The following FABP7 variants were observed in gnomAD, a reference collection of about 807,000 sequenced individuals.
FABP7 encodes the protein fatty acid-binding protein, brain.
A neutral mutation model predicts 14.2 loss-of-function variants in FABP7; 13 were observed. The observed-to-expected ratio is 0.91, with a 90% confidence interval of 0.59 to 1.45. The LOEUF is 1.45. FABP7 is among the 40% of genes most tolerant of loss of function. The probability of loss-of-function intolerance (pLI) is 0.00; values close to 1 mark genes in which losing one functional copy is unlikely to be tolerated. For missense variants in FABP7, 149 were observed against 157.6 expected (o/e 0.95, Z 0.29); for synonymous variants, 49 against 51.4 (o/e 0.95, Z 0.20).
the FABP7 span, among the ~76,000 whole-genome samples, chr6:122,769,926 T>A: frequency 6.6e-6 from 1 of 152,116 alleles, no homozygotes; most frequent in Non-Finnish European, 1.5e-5. Context: ...AAACAAAGGC[T>A]TATAATACTG....
the FABP7 span, among the ~76,000 whole-genome samples, chr6:122,754,084 G>T: frequency 1.2e-3 from 190 of 152,192 alleles, 6 homozygotes; most frequent in South Asian, 0.023. Context: ...AACAGCCTTA[G>T]GTTCCCTGCC....
chr6:122,760,291 T>G, the FABP7 span, among the ~76,000 whole-genome samples: 1 of 152,170 alleles, frequency 6.6e-6, no homozygotes, highest in Non-Finnish European at 1.5e-5. Flanking sequence ...TTTAATCCTG[T>G]AAAATGTTCC....
At chr6:122,767,188 A>T in the FABP7 span, among the ~76,000 whole-genome samples, 2 of 152,158 alleles carry the variant, frequency 1.3e-5, no homozygotes, top group Admixed American at 1.3e-4. Flanking sequence ...CCAGATCAAT[A>T]TATAAAATAG....
the FABP7 span, among the ~76,000 whole-genome samples, chr6:122,770,033 C>T: frequency 6.6e-6 from 1 of 152,104 alleles, no homozygotes; most frequent in African/African-American, 2.4e-5. Context: ...TTGATAGCTT[C>T]TTCAACAAAT....
At position 122,779,725 on chromosome 6, in the gene FABP7, C is replaced by T. The variant is rs1416009836; in HGVS notation, c.-70C>T. 6.8e-7 allele frequency: 1 copy of T among 1,478,974 alleles called. No individual in the cohort carries two copies. 91.6% of individuals were successfully genotyped at this position (1,478,974 alleles called of 1,614,324 possible). ...AGCTGCTTGCTGAGGTGTAAAGGGTCTTCTGAGCTGCAGTGGCAATTAGAC... is the reference window on the plus strand; with the variant it reads ...AGCTGCTTGCTGAGGTGTAAAGGGTTTTCTGAGCTGCAGTGGCAATTAGAC... On this transcript the variant is annotated 5_prime_UTR_variant, in exon 1 of 4. Coordinates refer to ENST00000368444, the MANE Select transcript of FABP7 (RefSeq NM_001446.5).
chr6:122,763,185 A>T, the FABP7 span, among the ~76,000 whole-genome samples: 5 of 152,216 alleles, frequency 3.3e-5, no homozygotes, highest in Non-Finnish European at 7.3e-5. Context: ...TGGTACCAAA[A>T]CAGATATATA....
the FABP7 span, among the ~76,000 whole-genome samples, chr6:122,767,815 G>A: frequency 6.7e-6 from 1 of 150,242 alleles, no homozygotes; most frequent in Non-Finnish European, 1.5e-5. Context: ...AAATATAAGT[G>A]AATATCTTTT....
chr6:122,750,292 A>T, the FABP7 span, among the ~76,000 whole-genome samples: 1 of 152,180 alleles, frequency 6.6e-6, no homozygotes, highest in African/African-American at 2.4e-5. Context: ...ATATGATTAC[A>T]TATTGTCTTT....
At chr6:122,780,568 T>G (rs1780759674) in intron 2 of FABP7, 105 bp downstream of exon 2, 2 of 1,232,194 alleles carry the variant, frequency 1.6e-6, no homozygotes, top group South Asian at 2.8e-5. Flanking sequence ...TAGAATATTT[T>G]CAGTATTTCA....
At chr6:122,749,868 A>G in the FABP7 span, among the ~76,000 whole-genome samples, 1 of 152,196 alleles carries the variant, frequency 6.6e-6, no homozygotes, top group African/African-American at 2.4e-5. Context: ...TTCTTGCTTC[A>G]TTTCATGTTG....
At chr6:122,763,291 G>T in the FABP7 span, among the ~76,000 whole-genome samples, 1 of 152,128 alleles carries the variant, frequency 6.6e-6, no homozygotes, top group South Asian at 2.1e-4. Flanking sequence ...AATGGGGAAA[G>T]GATTCCCTAT....
At chr6:122,782,771 T>C (rs1780825090) in intron 3 of FABP7, 3 of 985,080 alleles carry the variant, frequency 3.0e-6, no homozygotes, top group Non-Finnish European at 3.6e-6. Context: ...TGTTCTGCAT[T>C]GAGATATTCA....
chr6:122,754,779 AAAATT>A, the FABP7 span, among the ~76,000 whole-genome samples: 1 of 152,002 alleles, frequency 6.6e-6, no homozygotes, highest in Non-Finnish European at 1.5e-5. Flanking sequence ...TGATTTCATG[AAAATT>A]GAATTACCTG....
At chr6:122,750,163 G>A in the FABP7 span, among the ~76,000 whole-genome samples, 1 of 151,754 alleles carries the variant, frequency 6.6e-6, no homozygotes, top group African/African-American at 2.4e-5. Context: ...AACTAATGTT[G>A]AATATTTCAT....
At position 122,779,886 on chromosome 6, in the gene FABP7, G is replaced by C; in HGVS notation, c.73+19G>C. On this transcript the variant is annotated intron_variant, in intron 1 of 3. Coordinates refer to ENST00000368444, the MANE Select transcript of FABP7 (RefSeq NM_001446.5). ...GCTCTAGGTAGGTAACAATAAGACC[G>C]GCTGTTCTCTTCTCAACGTGCAGCT... is the stretch of plus-strand genomic sequence containing the variant. The C allele has an allele frequency of 6.2e-7, 1 of 1,609,802 alleles. No homozygotes were observed. Among genetic ancestry groups the C allele is most frequent in the Non-Finnish European group, 8.5e-7 (1 of 1,176,360 alleles).
intron 3 of FABP7, chr6:122,783,172 C>T (rs747878557): frequency 1.8e-4 from 182 of 985,262 alleles, no homozygotes; most frequent in Non-Finnish European, 2.1e-4. Context: ...GCTGATGTTC[C>T]GCATCCTATC....
At chr6:122,753,798 C>CG in the FABP7 span, among the ~76,000 whole-genome samples, 1 of 107,572 alleles carries the variant, frequency 9.3e-6, no homozygotes, top group Non-Finnish European at 2.0e-5. Context: ...CCCCCCCGCC[C>CG]ACAGAAGTTT....
chr6:122,763,762 T>C, the FABP7 span, among the ~76,000 whole-genome samples: 1 of 152,136 alleles, frequency 6.6e-6, no homozygotes, highest in Non-Finnish European at 1.5e-5. Context: ...AAAGAAGACA[T>C]TTATGCAGCC....
upstream of FABP7, among the ~76,000 whole-genome samples, chr6:122,777,749 T>C (rs566313601): frequency 2.0e-4 from 31 of 152,078 alleles, no homozygotes; most frequent in African/African-American, 7.5e-4. Flanking sequence ...CTCAGAGGGC[T>C]GATGTGGGAG....
Sources: gnomAD v4.1 joint callset for allele counts (sites outside exome capture counted in the v4.1 genomes callset) on GRCh38, gnomAD v4.1.1 for gene constraint, MANE v1.5 for transcripts, NCBI Gene and HGNC (gene_info 2026-07-23, HGNC 2026-07-21) for gene names.